ATP10D: variants seen among roughly 807,000 people sequenced by gnomAD.
ATP10D encodes the protein ATPase phospholipid transporting 10D (putative).
ATP10D carries 89 observed loss-of-function variants against 144.8 expected under a neutral mutation model. The ratio of observed to expected loss-of-function variants is 0.61; its 90% CI spans 0.52 to 0.73. ATP10D has a LOEUF of 0.73. Ranked by LOEUF, ATP10D falls within the 30% of genes least tolerant of loss-of-function variation. The pLI, the probability that ATP10D is intolerant of heterozygous loss-of-function variation, is 0.00. For synonymous variants in ATP10D, 571 were observed against 615.1 expected, an observed-to-expected ratio of 0.93 and a Z score of 1.06; for missense variants, 1,603 against 1,714.8, an observed-to-expected ratio of 0.93 and a Z score of 1.15.
chr4:47,486,535 A>G (rs1311199973), intron 1 of ATP10D, among the ~76,000 whole-genome samples: 1 of 152,200 alleles, frequency 6.6e-6, no homozygotes, highest in Non-Finnish European at 1.5e-5. Context: ...GAAGAATAGC[A>G]TCATCGAAAA....
At position 47,548,427 on chromosome 4, in the gene ATP10D, C is replaced by G. The variant is rs142685460; in HGVS notation, c.1635+1565C>G. 3.3e-5 allele frequency among the ~76,000 whole-genome samples: 5 copies of G among 152,250 alleles called. No individual in the cohort carries two copies. The East Asian group carries it at 9.6e-4, about 29-fold the overall frequency. ...CATCCGAGCTCTGTTTACACCGTCC[C>G]TCCGTCCCTCCGTCCCTTCATCCAC... On this transcript the variant is annotated intron_variant, in intron 10 of 22. Transcript: ENST00000273859.
intron 1 of ATP10D, among the ~76,000 whole-genome samples, chr4:47,500,620 A>G (rs1715632457): frequency 6.6e-6 from 1 of 152,200 alleles, no homozygotes; most frequent in Non-Finnish European, 1.5e-5. Flanking sequence ...CCATTAGCTG[A>G]CAGGGCTAAT....
chr4:47,526,864 T>C (rs1261516993), intron 5 of ATP10D, among the ~76,000 whole-genome samples: 1 of 152,136 alleles, frequency 6.6e-6, no homozygotes, highest in Non-Finnish European at 1.5e-5. Flanking sequence ...ATTGAAGAGC[T>C]ACTTAATTGG....
At chr4:47,582,358 A>G (rs1720561045) in intron 21 of ATP10D, among the ~76,000 whole-genome samples, 1 of 152,182 alleles carries the variant, frequency 6.6e-6, no homozygotes. Flanking sequence ...TTCAAGACCA[A>G]GCTGATTACT....
chr4:47,567,089 T>A (rs9993184), intron 15 of ATP10D, among the ~76,000 whole-genome samples: 67,077 of 152,034 alleles, frequency 0.44, 15,255 homozygotes, highest in East Asian at 0.7. Context: ...GAAGGCATCA[T>A]GGTGTTCAGC....
chr4:47,487,516 C>A (rs1340363889), intron 1 of ATP10D, among the ~76,000 whole-genome samples: 1 of 152,120 alleles, frequency 6.6e-6, no homozygotes, highest in Non-Finnish European at 1.5e-5. Flanking sequence ...AGAATTCTCA[C>A]AGAACAATGC....
chr4:47,577,207 C>A (rs1022032414), intron 19 of ATP10D, among the ~76,000 whole-genome samples: 2 of 152,198 alleles, frequency 1.3e-5, no homozygotes, highest in East Asian at 3.8e-4. Flanking sequence ...TTGAATCTTA[C>A]AACCAATAAT....
intron 21 of ATP10D, among the ~76,000 whole-genome samples, chr4:47,585,359 A>G (rs1443185040): frequency 2.6e-5 from 4 of 151,952 alleles, no homozygotes; most frequent in Non-Finnish European, 5.9e-5. Flanking sequence ...TATTTCTAAA[A>G]TTTTTGTGGG....
chr4:47,576,033 G>A (rs976513723), intron 18 of ATP10D, among the ~76,000 whole-genome samples: 15 of 140,850 alleles, frequency 1.1e-4, no homozygotes, highest in African/African-American at 3.7e-4. Flanking sequence ...CCGGGTTCAC[G>A]CCATTCTCCT....
chr4:47,557,519 A>T (rs573833676), intron 11 of ATP10D, 145 bp from the exon 12 acceptor site: 16 of 672,108 alleles, frequency 2.4e-5, no homozygotes, highest in Non-Finnish European at 3.6e-5. Context: ...AATATTTTCC[A>T]TGGCGGTCGT....
chr4:47,566,303 G>A lies in ATP10D; in HGVS notation c.2854-2534G>A, dbSNP rs111799165. On this transcript the variant is annotated intron_variant, in intron 15 of 22. Coordinates refer to ENST00000273859, the MANE Select transcript of ATP10D (RefSeq NM_020453.4). ...TTTTTTCTTCATTTGTTTTAATATA[G>A]TCATATCCTGTTTGTAACTAGTTAC... Among the ~76,000 whole-genome samples the A allele has an allele frequency of 7.2e-5, 11 of 152,106 alleles. 2 individuals carry two copies. Among genetic ancestry groups the A allele is most frequent in the African/African-American group, 2.4e-4 (10 of 41,500 alleles).
intron 22 of ATP10D, among the ~76,000 whole-genome samples, chr4:47,589,921 A>G (rs1720952877): frequency 6.6e-6 from 1 of 152,140 alleles, no homozygotes; most frequent in African/African-American, 2.4e-5. Context: ...TGCATTCCTG[A>G]AAAATTAAGT....
In ATP10D at chr4:47,592,489, G is replaced by C. The variant is rs1049857531; in HGVS notation, c.*1108G>C. On this transcript the variant is annotated 3_prime_UTR_variant, in exon 23 of 23. Transcript: ENST00000273859. ...CTCCTATTGCGAATCATGTATGCTG[G>C]CTTTAGTTGTAACAAACGATTTTAT... 1 of 152,512 alleles carries C rather than the reference G, an allele frequency of 6.6e-6. No individual in the cohort carries two copies. The highest frequency in any genetic ancestry group is 2.4e-5 in the African/African-American group (1 of 41,418). 9.4% of individuals were successfully genotyped at this position (152,512 alleles called of 1,614,324 possible). A position where few individuals can be genotyped will look rare whatever the true frequency, so the allele number is the denominator to read the frequency against.
intron 10 of ATP10D, among the ~76,000 whole-genome samples, chr4:47,548,913 C>T (rs558795583): frequency 1.3e-5 from 2 of 152,212 alleles, no homozygotes; most frequent in East Asian, 3.9e-4. Flanking sequence ...TCTAAAAGCC[C>T]ATCTGTGGAG....
intron 3 of ATP10D, among the ~76,000 whole-genome samples, chr4:47,520,777 C>T (rs1036526366): frequency 1.3e-5 from 2 of 152,106 alleles, no homozygotes; most frequent in African/African-American, 4.8e-5. Context: ...CCATATTGGT[C>T]AGAATGGTCT....
At chr4:47,486,185 C>G (rs916530829) in intron 1 of ATP10D, among the ~76,000 whole-genome samples, 7 of 152,090 alleles carry the variant, frequency 4.6e-5, no homozygotes, top group African/African-American at 1.7e-4. Flanking sequence ...CGTTGTAAAA[C>G]ATGTAGTTTT....
At chr4:47,496,388 C>T (rs1191896500) in intron 1 of ATP10D, among the ~76,000 whole-genome samples, 3 of 151,804 alleles carry the variant, frequency 2.0e-5, no homozygotes, top group Non-Finnish European at 4.4e-5. Flanking sequence ...AACTCCTGAC[C>T]TCAGGTGATC....
intron 10 of ATP10D, among the ~76,000 whole-genome samples, chr4:47,548,002 A>G (rs1215555831): frequency 6.6e-6 from 1 of 152,206 alleles, no homozygotes; most frequent in Non-Finnish European, 1.5e-5. Flanking sequence ...ATAAGCCCAT[A>G]TCGGAAATAT....
At chr4:47,496,901 GTGTGA>G (rs879743498) in intron 1 of ATP10D, among the ~76,000 whole-genome samples, 55 of 152,182 alleles carry the variant, frequency 3.6e-4, no homozygotes, top group Non-Finnish European at 6.3e-4. Context: ...GAGTGCAGTG[GTGTGA>G]TCTCGGCTCA....
Sources: gnomAD v4.1 joint callset for allele counts (sites outside exome capture counted in the v4.1 genomes callset) on GRCh38, gnomAD v4.1.1 for gene constraint, MANE v1.5 for transcripts, NCBI Gene and HGNC (gene_info 2026-07-23, HGNC 2026-07-21) for gene names.